The following DMD variants were observed in gnomAD, a reference collection of about 807,000 sequenced individuals.
The protein encoded by DMD is dystrophin.
A neutral mutation model predicts 330.1 loss-of-function variants in DMD; 63 were observed. The ratio of observed to expected loss-of-function variants is 0.19; its 90% CI spans 0.16 to 0.24. The LOEUF is 0.24. DMD is among the 10% of genes least tolerant of loss of function. DMD has a pLI of 1.00. For missense variants in DMD, 3,344 were observed against 2,684.1 expected, an observed-to-expected ratio of 1.25 and a Z score of -5.43; for synonymous variants, 1,223 against 959.8, an observed-to-expected ratio of 1.27 and a Z score of -5.07.
chrX:32,473,498 A>T (rs1363360933), intron 21 of DMD, among the ~76,000 whole-genome samples: 2 of 111,566 alleles, frequency 1.8e-5, no homozygotes, highest in Non-Finnish European at 3.8e-5. Context: ...TCTAAATCAT[A>T]TTATTTTAAT....
chrX:32,666,692 G>C (rs760862554), intron 9 of DMD, among the ~76,000 whole-genome samples: 1 of 110,029 alleles, frequency 9.1e-6, no homozygotes, highest in East Asian at 2.9e-4. Flanking sequence ...AGCCAGGCGT[G>C]GTGGTGGGTG....
At chrX:32,373,170 T>C (rs2097886583) in intron 34 of DMD, among the ~76,000 whole-genome samples, 2 of 108,742 alleles carry the variant, frequency 1.8e-5, no homozygotes, top group Admixed American at 9.8e-5. Context: ...CTATGCATTC[T>C]AGTATCTATG....
intron 60 of DMD, among the ~76,000 whole-genome samples, chrX:31,443,545 A>ATTT (rs59880042): frequency 2.9e-5 from 3 of 102,152 alleles, no homozygotes; most frequent in African/African-American, 1.1e-4. Context: ...TTATTATCGC[A>ATTT]TTTTTTTTTT....
intron 1 of DMD, among the ~76,000 whole-genome samples, chrX:33,176,328 C>T (rs765037465): frequency 1.8e-5 from 2 of 108,984 alleles, no homozygotes; most frequent in South Asian, 8.0e-4. Context: ...TTTAGGCTGT[C>T]AAAAGGTTTG....
intron 6 of DMD, among the ~76,000 whole-genome samples, chrX:32,809,929 AAAAAAAAAAAAAAAAAAGAAAGAAAG>A (rs997756157): frequency 3.5e-5 from 3 of 86,639 alleles, no homozygotes; most frequent in Non-Finnish European, 6.9e-5. Flanking sequence ...CAAAAAAAAA[AAAAAAAAAAAAAAAAAAGAAAGAAAG>A]AAAGAAAGAA....
intron 1 of DMD, among the ~76,000 whole-genome samples, chrX:33,115,576 G>A (rs908522886): frequency 4.4e-4 from 48 of 107,928 alleles, no homozygotes; most frequent in Non-Finnish European, 1.3e-4. Flanking sequence ...CAGTGGCGTG[G>A]TCTCGGCTCA....
intron 60 of DMD, among the ~76,000 whole-genome samples, chrX:31,368,650 G>A (rs1175141420): frequency 9.3e-6 from 1 of 107,509 alleles, no homozygotes; most frequent in African/African-American, 3.4e-5. Context: ...AGGTCCCCCC[G>A]CCCTTTTTTT....
At chrX:33,269,628 A>G (rs769002840) in intron 1 of DMD, among the ~76,000 whole-genome samples, 32 of 112,205 alleles carry the variant, frequency 2.9e-4, no homozygotes, top group African/African-American at 1.0e-3. Context: ...AGCAAGTATC[A>G]TTATTCGCTC....
intron 23 of DMD, among the ~76,000 whole-genome samples, chrX:32,467,649 T>A (rs73619096): frequency 1.0e-5 from 1 of 95,950 alleles, no homozygotes; most frequent in African/African-American, 3.5e-5. Flanking sequence ...TATATATATA[T>A]ACACACATAT....
intron 1 of DMD, among the ~76,000 whole-genome samples, chrX:33,223,970 C>T (rs1273219850): frequency 8.9e-6 from 1 of 111,943 alleles, no homozygotes; most frequent in Non-Finnish European, 1.9e-5. Flanking sequence ...GGAAAACAGG[C>T]GTATGAAAAG....
intron 30 of DMD, among the ~76,000 whole-genome samples, chrX:32,409,423 A>AT (rs942000047): frequency 9.0e-5 from 10 of 111,447 alleles, no homozygotes; most frequent in Non-Finnish European, 1.9e-5. Flanking sequence ...TTATTGTAGT[A>AT]TTTTTTTAGA....
At chrX:32,214,695 C>A (rs2097106173) in intron 44 of DMD, among the ~76,000 whole-genome samples, 1 of 111,617 alleles carries the variant, frequency 9.0e-6, no homozygotes, top group African/African-American at 3.3e-5. Flanking sequence ...CTGGTCATAA[C>A]AAAGCATAAA....
intron 44 of DMD, among the ~76,000 whole-genome samples, chrX:32,050,974 C>CTTTT (rs761835866): frequency 0.012 from 901 of 78,119 alleles, 57 homozygotes; most frequent in African/African-American, 0.03. Context: ...CTAACTTCCT[C>CTTTT]TTTTTTTTTT....
chrX:32,454,645 T>C lies in DMD; in HGVS notation c.3603+17A>G, dbSNP rs751617346. ...TATTTCCTTTGTTTTACTTAGTTTTTCTTTTTTTTTTTTTACCTTCATCTC... is the reference window on the plus strand; with the variant it reads ...TATTTCCTTTGTTTTACTTAGTTTTCCTTTTTTTTTTTTTACCTTCATCTC... On this transcript the variant is annotated intron_variant, in intron 26 of 78. Transcript: ENST00000357033. 4.2e-6 allele frequency: 4 copies of C among 956,660 alleles called. No individual in the cohort carries two copies. In the South Asian group the frequency reaches 8.5e-5, roughly 20 times the overall value. The allele number at this position is 956,660 out of a possible 1,213,427, so 78.8% of individuals were successfully genotyped here. A position where few individuals can be genotyped will look rare whatever the true frequency, so the allele number is the denominator to read the frequency against.
intron 9 of DMD, among the ~76,000 whole-genome samples, chrX:32,672,146 A>C (rs1024641268): frequency 3.6e-5 from 4 of 111,432 alleles, no homozygotes; most frequent in African/African-American, 1.3e-4. Context: ...TGAATATATT[A>C]GTTGTGGGAC....
At chrX:31,123,084 C>T (rs1354316572) in intron 78 of DMD, among the ~76,000 whole-genome samples, 1 of 111,319 alleles carries the variant, frequency 9.0e-6, no homozygotes, top group African/African-American at 3.3e-5. Context: ...AAAGATATCC[C>T]AATAAAAATT....
intron 51 of DMD, among the ~76,000 whole-genome samples, chrX:31,739,954 G>A (rs1343594247): frequency 1.9e-5 from 2 of 107,546 alleles, no homozygotes; most frequent in Non-Finnish European, 3.8e-5. Flanking sequence ...ATCTCCCTGT[G>A]TTGAAAAAAA....
chrX:32,479,426 T>C (rs964034418), intron 21 of DMD, among the ~76,000 whole-genome samples: 3 of 111,180 alleles, frequency 2.7e-5, no homozygotes, highest in Admixed American at 9.7e-5. Flanking sequence ...ACACCTTCCC[T>C]TTCCCAACCT....
At chrX:32,901,190 AG>A (rs1431508670) in intron 2 of DMD, among the ~76,000 whole-genome samples, 1 of 111,890 alleles carries the variant, frequency 8.9e-6, no homozygotes, top group Non-Finnish European at 1.9e-5. Context: ...TAAAATTGAT[AG>A]GAAGTGTATA....
Sources: gnomAD v4.1 joint callset for allele counts (sites outside exome capture counted in the v4.1 genomes callset) on GRCh38, gnomAD v4.1.1 for gene constraint, MANE v1.5 for transcripts, NCBI Gene and HGNC (gene_info 2026-07-23, HGNC 2026-07-21) for gene names.